The following TMEFF2 variants were observed in gnomAD, a reference collection of about 807,000 sequenced individuals.
TMEFF2 encodes the protein transmembrane protein with EGF like and two follistatin like domains 2.
In TMEFF2, 28 loss-of-function variants were observed where a neutral mutation model predicts 53.8. The observed-to-expected ratio is 0.52, with a 90% CI of 0.39 to 0.71. The LOEUF (loss-of-function observed/expected upper bound fraction) is 0.71. TMEFF2 is among the 30% of genes least tolerant of loss of function. TMEFF2 has a pLI of 0.00. For synonymous variants in TMEFF2, 162 were observed against 166.3 expected (o/e 0.97, Z 0.20); for missense variants, 353 against 455.2 (o/e 0.78, Z 2.04).
intron 4 of TMEFF2, among the ~76,000 whole-genome samples, chr2:192,120,977 G>A (rs1037653444): frequency 2.6e-5 from 4 of 151,908 alleles, no homozygotes; most frequent in East Asian, 1.9e-4. Flanking sequence ...CTTGTGATCC[G>A]CCTGCCTCAG....
intron 4 of TMEFF2, among the ~76,000 whole-genome samples, chr2:192,080,586 G>T (rs1185022329): frequency 6.6e-6 from 1 of 152,230 alleles, no homozygotes; most frequent in African/African-American, 2.4e-5. Flanking sequence ...TGAGGCTTGT[G>T]TTGAGGTAGA....
rs1379635799 is a variant in TMEFF2, at chr2:191,950,358, G to T, written c.1078C>A (p.His360Asn). 1 of 1,613,856 alleles carries T rather than the reference G, an allele frequency of 6.2e-7. No individual in the cohort carries two copies. The highest frequency in any genetic ancestry group is 8.5e-7 in the Non-Finnish European group (1 of 1,179,888). Reference protein sequence around the residue: ...RIHRQKQNTGHYSSDNTTRAS... With the variant: ...RIHRQKQNTGNYSSDNTTRAS... ...CTTGTTGTATTGTCTGAACTGTAGT[G>T]CCCTGTATTTTGCTTCTGTCTGTGA... The change falls in exon 10 of 10, where the codon CAC becomes AAC. Residue 360 changes from histidine to asparagine, a missense_variant. His to Asn is a moderately conservative substitution (Grantham distance 68). Around this residue, in one of 3 missense-constraint regions of TMEFF2, gnomAD observed 294 missense variants for 397.3 expected, o/e 0.74. Transcript: ENST00000272771.
intron 4 of TMEFF2, among the ~76,000 whole-genome samples, chr2:192,072,877 T>C (rs1481407278): frequency 6.6e-6 from 1 of 151,848 alleles, no homozygotes; most frequent in Non-Finnish European, 1.5e-5. Context: ...ACCACCTCTA[T>C]ATAGGAATAC....
intron 4 of TMEFF2, among the ~76,000 whole-genome samples, chr2:192,159,917 C>T (rs1223900104): frequency 6.6e-6 from 1 of 152,150 alleles, no homozygotes; most frequent in Non-Finnish European, 1.5e-5. Context: ...TGAACTTCTG[C>T]TTTGTGTGAG....
intron 4 of TMEFF2, among the ~76,000 whole-genome samples, chr2:192,086,607 T>TA (rs1471893393): frequency 2.6e-4 from 40 of 152,066 alleles, no homozygotes; most frequent in African/African-American, 8.9e-4. Flanking sequence ...GTTTGGGTTA[T>TA]AAAAAAAGTT....
At chr2:192,179,429 CA>C (rs1691131390) in intron 4 of TMEFF2, 1 of 396,698 alleles carries the variant, frequency 2.5e-6, no homozygotes. Flanking sequence ...TACAAACAAA[CA>C]AACAAACAAA....
intron 8 of TMEFF2, among the ~76,000 whole-genome samples, chr2:191,954,611 A>C (rs1317671717): frequency 6.6e-6 from 1 of 152,190 alleles, no homozygotes; most frequent in Non-Finnish European, 1.5e-5. Context: ...TGTCAGAATA[A>C]ATGTTGAGAA....
intron 5 of TMEFF2, among the ~76,000 whole-genome samples, chr2:192,015,192 C>G (rs183640513): frequency 6.8e-6 from 1 of 147,450 alleles, no homozygotes; most frequent in East Asian, 2.1e-4. Context: ...TTAGGCTAAA[C>G]AAAGATTTAT....
chr2:192,084,740 T>G (rs1688630455), intron 4 of TMEFF2, among the ~76,000 whole-genome samples: 1 of 152,194 alleles, frequency 6.6e-6, no homozygotes, highest in Admixed American at 6.5e-5. Context: ...CATTTGATGC[T>G]TATGTATTTT....
intron 7 of TMEFF2, among the ~76,000 whole-genome samples, chr2:191,970,273 C>T (rs929449990): frequency 5.3e-5 from 8 of 151,474 alleles, no homozygotes; most frequent in African/African-American, 1.5e-4. Flanking sequence ...ATAATGGAAC[C>T]AATAGTTTAT....
At chr2:192,033,588 A>C (rs1329290430) in intron 5 of TMEFF2, among the ~76,000 whole-genome samples, 2 of 151,080 alleles carry the variant, frequency 1.3e-5, no homozygotes, top group Non-Finnish European at 2.9e-5. Context: ...TCATTAGATA[A>C]GTCTCTCCAT....
chr2:192,111,234 T>C (rs981141103), intron 4 of TMEFF2, among the ~76,000 whole-genome samples: 5 of 152,106 alleles, frequency 3.3e-5, no homozygotes, highest in African/African-American at 1.2e-4. Flanking sequence ...GATACAAAAA[T>C]GTGGGAAAGT....
At chr2:192,002,255 A>T (rs1305933663) in intron 5 of TMEFF2, among the ~76,000 whole-genome samples, 4 of 152,172 alleles carry the variant, frequency 2.6e-5, no homozygotes, top group Admixed American at 2.6e-4. Flanking sequence ...CAAGAGGAGG[A>T]CATAGATTCA....
chr2:192,075,309 A>ATG lies in TMEFF2; in HGVS notation c.440-17535_440-17534insCA, dbSNP rs1176583205. On this transcript the variant is annotated intron_variant, in intron 4 of 9. Transcript: ENST00000272771. ...ATTATATATATATATATATATATAT[A>ATG]TATATATATATATATATATATATAC... is the stretch of plus-strand genomic sequence containing the variant. 9.7e-3 allele frequency among the ~76,000 whole-genome samples: 629 copies of ATG among 64,804 alleles called. 36 individuals are homozygous for ATG. Among genetic ancestry groups the ATG allele is most frequent in the African/African-American group, 0.027 (603 of 22,704 alleles). 42.5% of individuals were successfully genotyped at this position (64,804 alleles called of 152,430 possible). A position where few individuals can be genotyped will look rare whatever the true frequency, so the allele number is the denominator to read the frequency against.
intron 4 of TMEFF2, among the ~76,000 whole-genome samples, chr2:192,058,612 T>C (rs1356317390): frequency 6.6e-6 from 1 of 152,148 alleles, no homozygotes; most frequent in Non-Finnish European, 1.5e-5. Flanking sequence ...GTACAAGGAA[T>C]GAGCAACACT....
chr2:192,093,118 G>A (rs1201818716), intron 4 of TMEFF2, among the ~76,000 whole-genome samples: 2 of 152,128 alleles, frequency 1.3e-5, no homozygotes, highest in Non-Finnish European at 2.9e-5. Context: ...TGTCTGTTGA[G>A]CTGTTCTCTT....
At chr2:192,124,538 C>G (rs1191831082) in intron 4 of TMEFF2, among the ~76,000 whole-genome samples, 1 of 152,134 alleles carries the variant, frequency 6.6e-6, no homozygotes, top group Non-Finnish European at 1.5e-5. Flanking sequence ...AATTAAGACT[C>G]CTGAGAGGAA....
intron 4 of TMEFF2, among the ~76,000 whole-genome samples, chr2:192,106,023 C>T (rs1363398539): frequency 6.6e-6 from 1 of 151,798 alleles, no homozygotes; most frequent in African/African-American, 2.4e-5. Context: ...GGGAAGAACA[C>T]TTGCATTTTT....
chr2:192,131,795 A>G (rs1467194284), intron 4 of TMEFF2, among the ~76,000 whole-genome samples: 1 of 152,036 alleles, frequency 6.6e-6, no homozygotes, highest in Non-Finnish European at 1.5e-5. Context: ...AAAGCGTCTT[A>G]TTTTCTTGTG....
Sources: allele counts gnomAD v4.1 joint callset (sites outside exome capture counted in the v4.1 genomes callset), GRCh38; gene constraint gnomAD v4.1.1; regional missense constraint gnomAD v4.1.1; transcripts MANE v1.5; gene names NCBI Gene and HGNC (gene_info 2026-07-23, HGNC 2026-07-21).